The following IPP variants were observed in gnomAD, a reference collection of about 807,000 sequenced individuals.
IPP encodes the protein intracisternal A particle-promoted polypeptide, also known as actin-binding protein IPP.
IPP carries 41 observed loss-of-function variants against 64.1 expected under a neutral mutation model. The ratio of observed to expected loss-of-function variants is 0.64; its 90% confidence interval spans 0.50 to 0.83. IPP has a LOEUF of 0.83. Among genes scored for constraint, IPP ranks in the 40% least tolerant of loss-of-function variants. The pLI is 0.00. For synonymous variants in IPP, 214 were observed against 235.2 expected, an observed-to-expected ratio of 0.91 and a Z score of 0.83; for missense variants, 649 against 703.0, an observed-to-expected ratio of 0.92 and a Z score of 0.87.
At chr1:45,711,663 A>G (rs908718432) in intron 8 of IPP, among the ~76,000 whole-genome samples, 1 of 152,040 alleles carries the variant, frequency 6.6e-6, no homozygotes, top group Admixed American at 6.6e-5. Context: ...TTGAGGCACA[A>G]GAATCGCTTG....
chr1:45,747,834 CAAAAAAAAAAAAAAAA>C (rs60576414), intron 1 of IPP, among the ~76,000 whole-genome samples: 6 of 39,280 alleles, frequency 1.5e-4, no homozygotes, highest in East Asian at 1.9e-3. Context: ...GACTCTGTCT[CAAAAAAAAAAAAAAAA>C]AAAAAAAAAA....
chr1:45,737,483 CAG>C (rs905908683), intron 3 of IPP, among the ~76,000 whole-genome samples: 1 of 122,550 alleles, frequency 8.2e-6, no homozygotes, highest in Non-Finnish European at 1.6e-5. Context: ...TTTTTTGAGA[CAG>C]GGTCTGGCTC....
chr1:45,705,716 G>C (rs755865187), intron 8 of IPP, among the ~76,000 whole-genome samples: 2 of 152,180 alleles, frequency 1.3e-5, no homozygotes, highest in Non-Finnish European at 2.9e-5. Context: ...TGAGGCACAA[G>C]AATCACTCGA....
At chr1:45,724,970 T>C (rs1645793311) in intron 5 of IPP, among the ~76,000 whole-genome samples, 1 of 133,622 alleles carries the variant, frequency 7.5e-6, no homozygotes, top group African/African-American at 2.9e-5. Context: ...TACTGGGAAG[T>C]GAGGAGCCCC....
intron 1 of IPP, among the ~76,000 whole-genome samples, chr1:45,748,887 G>A (rs1646177341): frequency 6.7e-6 from 1 of 150,296 alleles, no homozygotes; most frequent in South Asian, 2.1e-4. Flanking sequence ...CAGGAGAATC[G>A]CTTGAACCTG....
intron 8 of IPP, among the ~76,000 whole-genome samples, chr1:45,704,515 CGTGA>C (rs1374901014): frequency 6.6e-6 from 1 of 151,930 alleles, no homozygotes; most frequent in African/African-American, 2.4e-5. Context: ...GGATTACCGG[CGTGA>C]GACACCGCGC....
In IPP at chr1:45,699,102, A is replaced by T. The variant is rs893578138; in HGVS notation, c.*864T>A. On this transcript the variant is annotated 3_prime_UTR_variant, in exon 9 of 9. Coordinates refer to ENST00000396478, the MANE Select transcript of IPP (RefSeq NM_005897.3). ...CCATTACAACATCTGGTCACTAAGA[A>T]CCTCCTATTAATTCCTTACTTGCAT... is the stretch of plus-strand genomic sequence containing the variant. 4 of 985,126 alleles carry T rather than the reference A, an allele frequency of 4.1e-6. No homozygotes were observed. In the African/African-American group the frequency reaches 7.0e-5, roughly 17 times the overall value. 61.0% of individuals were successfully genotyped at this position (985,126 alleles called of 1,614,324 possible). A position where few individuals can be genotyped will look rare whatever the true frequency, so the allele number is the denominator to read the frequency against.
chr1:45,745,739 G>C (rs926345260), intron 2 of IPP, among the ~76,000 whole-genome samples: 1 of 151,542 alleles, frequency 6.6e-6, no homozygotes, highest in Non-Finnish European at 1.5e-5. Context: ...GGTGGCATGC[G>C]CCTGTGTCCC....
intron 8 of IPP, among the ~76,000 whole-genome samples, chr1:45,702,485 C>T (rs1049503327): frequency 1.2e-4 from 19 of 152,144 alleles, no homozygotes; most frequent in African/African-American, 4.6e-4. Context: ...GACGGAGTCT[C>T]ACTCTGTCGC....
chr1:45,723,346 GA>G (rs1417351181), intron 5 of IPP, among the ~76,000 whole-genome samples: 20 of 151,928 alleles, frequency 1.3e-4, no homozygotes, highest in African/African-American at 4.8e-4. Flanking sequence ...ATATATTAAG[GA>G]ATATCTTAAG....
At chr1:45,718,730 T>C (rs535024888) in intron 6 of IPP, among the ~76,000 whole-genome samples, 1 of 152,250 alleles carries the variant, frequency 6.6e-6, no homozygotes, top group Non-Finnish European at 1.5e-5. Flanking sequence ...CCCAATAATT[T>C]AAATAATATT....
intron 8 of IPP, among the ~76,000 whole-genome samples, chr1:45,708,680 A>C (rs868153250): frequency 4.2e-4 from 55 of 131,766 alleles, no homozygotes; most frequent in African/African-American, 1.3e-3. Context: ...ACTCACCTCC[A>C]AAAAAAAAAA....
At position 45,700,566 on chromosome 1, in the gene IPP, A is replaced by C. The variant is rs191418180; in HGVS notation, c.1531-376T>G. ...TTGTCCAGGATGGTCTTAAACTCCT[A>C]AACTCAAGTGATTGTCCCACCTCAG... On this transcript the variant is annotated intron_variant, in intron 8 of 8. Coordinates refer to ENST00000396478, the MANE Select transcript of IPP (RefSeq NM_005897.3). 9.9e-5 allele frequency among the ~76,000 whole-genome samples: 15 copies of C among 152,118 alleles called. No individual in the cohort carries two copies. In the East Asian group the frequency reaches 2.9e-3, roughly 29 times the overall value.
At chr1:45,695,142 C>G (rs1026935811), downstream of IPP, among the ~76,000 whole-genome samples, 1 of 152,098 alleles carries the variant, frequency 6.6e-6, no homozygotes, top group Non-Finnish European at 1.5e-5. Context: ...CACAGAGAAG[C>G]TTTTAGCTTT....
chr1:45,719,621 T>C (rs1046365615), intron 5 of IPP, among the ~76,000 whole-genome samples: 1 of 152,262 alleles, frequency 6.6e-6, no homozygotes, highest in African/African-American at 2.4e-5. Context: ...GGATACAATT[T>C]GCATTTTAAC....
chr1:45,708,207 GACGCCAGCCACC>G, intron 8 of IPP, among the ~76,000 whole-genome samples: 1 of 151,668 alleles, frequency 6.6e-6, no homozygotes, highest in Non-Finnish European at 1.5e-5. Context: ...TAGGACTACA[GACGCCAGCCACC>G]ACGCCCAGCT....
Position 45,714,298 on chromosome 1 carries a change from C to T in IPP, c.1478G>A (p.Trp493Ter). The stretch of plus-strand genomic sequence containing the variant: ...ATGAAGAGCATCTTGGGTCTCATTC[C>T]ATCCTCCAACAGAATAGATGCAGTC... ...LNDCIYSVGGWNETQDALHTV... is the reference protein window; with the variant it reads ...LNDCIYSVGG Residue 493 changes from tryptophan (W) to a stop codon, truncating the protein, a stop_gained, in exon 8 of 9, where the codon TGG becomes TAG. Coordinates refer to ENST00000396478, the MANE Select transcript of IPP (RefSeq NM_005897.3). LOFTEE classifies it high-confidence loss of function. 1.2e-6 allele frequency: 2 copies of T among 1,614,164 alleles called. No homozygotes were observed. The highest frequency in any genetic ancestry group is 2.2e-5 in the East Asian group (1 of 44,880).
intron 3 of IPP, among the ~76,000 whole-genome samples, chr1:45,734,629 A>T (rs1645952730): frequency 6.6e-6 from 1 of 151,984 alleles, no homozygotes; most frequent in South Asian, 2.1e-4. Flanking sequence ...TTACTTATTT[A>T]TTTATTTAGA....
At chr1:45,696,263 T>TA (rs1463345548), downstream of IPP, among the ~76,000 whole-genome samples, 1 of 152,202 alleles carries the variant, frequency 6.6e-6, no homozygotes, top group Admixed American at 6.5e-5. Flanking sequence ...GCAGGATACT[T>TA]AGAAGCATAT....
Sources: allele counts gnomAD v4.1 joint callset (sites outside exome capture counted in the v4.1 genomes callset), GRCh38; gene constraint gnomAD v4.1.1; transcripts MANE v1.5; gene names NCBI Gene and HGNC (gene_info 2026-07-23, HGNC 2026-07-21).